The following DCTN1 variants were observed in gnomAD, a reference collection of about 807,000 sequenced individuals.
DCTN1 encodes dynactin subunit 1.
In DCTN1, 61 loss-of-function variants were observed where a neutral mutation model predicts 161.2. The observed-to-expected ratio is 0.38, with a 90% CI of 0.31 to 0.47. The LOEUF (loss-of-function observed/expected upper bound fraction) is 0.47. Among genes scored for constraint, DCTN1 ranks in the 20% least tolerant of loss-of-function variants. DCTN1 has a pLI of 0.99. For synonymous variants in DCTN1, 653 were observed against 632.4 expected, an observed-to-expected ratio of 1.03 and a Z score of -0.49; for missense variants, 1,404 against 1,623.7, an observed-to-expected ratio of 0.86 and a Z score of 2.33.
chr2:74,376,179 AGAGG>A (rs957323161), intron 5 of DCTN1, among the ~76,000 whole-genome samples: 1 of 147,852 alleles, frequency 6.8e-6, no homozygotes, highest in African/African-American at 2.7e-5. Flanking sequence ...GCACACCACC[AGAGG>A]AAGGAGACAG....
chr2:74,385,615 TTC>T (rs917230993), intron 1 of DCTN1: 3 of 152,208 alleles, frequency 2.0e-5, no homozygotes, highest in Non-Finnish European at 4.4e-5. Context: ...ATTCCATCCT[TTC>T]TCTTTTTAAA....
chr2:74,363,961 C>T (rs191061652), intron 26 of DCTN1: 11 of 431,114 alleles, frequency 2.6e-5, no homozygotes, highest in South Asian at 8.9e-5. Context: ...AAGAAGGGCA[C>T]GGAGAATGCT....
rs775496102 is a variant in DCTN1 at position 74,363,630 on chromosome 2, T to G, written c.3197-2A>C. The G allele has an allele frequency of 1.9e-6, 3 of 1,613,696 alleles. No homozygotes were observed. ...GGTCTCTACCTCGCTGCTGTTCTTC[T>G]GTGCTCGGGATAGCCCATGGGGGAG... is the stretch of plus-strand genomic sequence containing the variant. On this transcript the variant is annotated splice_acceptor_variant, in intron 26 of 31. Transcript: ENST00000628224. LOFTEE classifies it high-confidence loss of function.
At chr2:74,379,795 T>C (rs1675426458) in intron 1 of DCTN1, among the ~76,000 whole-genome samples, 1 of 152,134 alleles carries the variant, frequency 6.6e-6, no homozygotes, top group Non-Finnish European at 1.5e-5. Flanking sequence ...AGGTCAGGCC[T>C]TGCTAGTCCC....
rs1179754602 is a variant in DCTN1 at position 74,365,033 on chromosome 2, C to T, written c.3196+42G>A. 2.5e-6 allele frequency: 4 copies of T among 1,611,742 alleles called. No individual in the cohort carries two copies. In the Admixed American group the frequency reaches 5.0e-5, roughly 20 times the overall value. ...ATGAGGCCAAGGACAGGAGAGAAGA[C>T]AATCTCCTCTGTGCTAGTGCTGCCT... On this transcript the variant is annotated intron_variant, in intron 26 of 31. Coordinates refer to ENST00000628224, the MANE Select transcript of DCTN1 (RefSeq NM_004082.5).
At chr2:74,362,868 C>T in intron 29 of DCTN1, 126 bp downstream of exon 29, 2 of 1,339,926 alleles carry the variant, frequency 1.5e-6, no homozygotes, top group East Asian at 2.5e-5. Context: ...ACAAACTGAA[C>T]AGTGAAGCCA....
At chr2:74,390,305 ATTG>A (rs1553467913) in intron 1 of DCTN1, among the ~76,000 whole-genome samples, 1 of 151,902 alleles carries the variant, frequency 6.6e-6, no homozygotes, top group Non-Finnish European at 1.5e-5. Context: ...TTCCTGTTTG[ATTG>A]TTAAGAGATA....
chr2:74,365,715 G>C (rs1674356061), intron 24 of DCTN1, 58 bp from the exon 25 acceptor site: 2 of 1,613,060 alleles, frequency 1.2e-6, no homozygotes, highest in Non-Finnish European at 1.7e-6. Flanking sequence ...CCTGGAAACT[G>C]GGGGCTAGAC....
chr2:74,365,312 G>A (rs1356811547), intron 25 of DCTN1, 71 bp from the exon 26 acceptor site: 7 of 1,594,668 alleles, frequency 4.4e-6, no homozygotes, highest in Non-Finnish European at 6.0e-6. Context: ...AGTCCTGAGA[G>A]GTCCTTGGAA....
In DCTN1 at chr2:74,375,417, G is replaced by C. The variant is rs141802902; in HGVS notation, c.415-1077C>G. Among the ~76,000 whole-genome samples, 641 of 152,346 alleles carry C rather than the reference G, an allele frequency of 4.2e-3. 41 individuals are homozygous for C. The East Asian group carries it at 0.095, about 23-fold the overall frequency. On this transcript the variant is annotated intron_variant, in intron 5 of 31. Transcript: ENST00000628224. ...ATAACTACTGGAGAGGAAGACTGGGGTGCTCCGGGGTGGGGGCACTCAACT... is the reference window on the plus strand; with the variant it reads ...ATAACTACTGGAGAGGAAGACTGGGCTGCTCCGGGGTGGGGGCACTCAACT...
intron 2 of DCTN1, 86 bp from the exon 3 acceptor site, chr2:74,377,812 C>T: frequency 6.8e-7 from 1 of 1,474,866 alleles, no homozygotes; most frequent in Non-Finnish European, 9.5e-7. Flanking sequence ...TCCCCAGGCT[C>T]CAAGCAAACC....
chr2:74,382,387 A>G (rs1288620096), upstream of DCTN1, among the ~76,000 whole-genome samples: 1 of 151,714 alleles, frequency 6.6e-6, no homozygotes, highest in Non-Finnish European at 1.5e-5. Flanking sequence ...CTCACTTGAG[A>G]CCAGGAGTTC....
At position 74,366,534 on chromosome 2, in the gene DCTN1, G is replaced by C; in HGVS notation, c.2553C>G (p.Leu851=). The change falls in exon 22 of 32, where the codon CTC becomes CTG. Residue 851 remains leucine (L), a synonymous_variant. Transcript: ENST00000628224. ...LQEVAAAAAQ[L]IAPLAENEGL... is the part of the protein sequence containing the mutation. ...CCTCATTCTCTGCCAGTGGGGCAAT[G>C]AGCTGGGCAGCAGCAGCTGCCACCT... 6.2e-7 allele frequency: 1 copy of C among 1,614,130 alleles called. No individual in the cohort carries two copies. Among genetic ancestry groups the C allele is most frequent in the Non-Finnish European group, 8.5e-7 (1 of 1,180,004 alleles).
chr2:74,374,164 T>C (rs200754910), intron 6 of DCTN1, 159 bp downstream of exon 6: 24 of 733,340 alleles, frequency 3.3e-5, no homozygotes, highest in East Asian at 8.4e-5. Flanking sequence ...GTGTGGGGCA[T>C]AGTGGTGACA....
In DCTN1 at chr2:74,363,306, G is replaced by A. The variant is rs1284973898; in HGVS notation, c.3333C>T (p.Asn1111=). The change falls in exon 28 of 32, where the codon AAC becomes AAT. Residue 1111 remains asparagine, a synonymous_variant. Transcript: ENST00000628224. ...RLHISQLQHE[N]SILKGAQMKA... ...GTGGCTCCCTCACCTTGAGGATGCTGTTCTCATGCTGGAGCTGGGAGATGT... is the reference window on the plus strand; with the variant it reads ...GTGGCTCCCTCACCTTGAGGATGCTATTCTCATGCTGGAGCTGGGAGATGT... 3 of 1,614,028 alleles carry A rather than the reference G, an allele frequency of 1.9e-6. No homozygotes were observed. The highest frequency in any genetic ancestry group is 3.3e-5 in the Admixed American group (2 of 60,010).
intron 21 of DCTN1, 25 bp from the exon 22 acceptor site, chr2:74,366,645 G>C: frequency 3.1e-6 from 5 of 1,612,844 alleles, no homozygotes; most frequent in Non-Finnish European, 4.2e-6. Flanking sequence ...AGAGTCAGGA[G>C]TCAACCCTGG....
rs1674950819 is a variant in DCTN1 at position 74,372,724 on chromosome 2, C to G, written c.453+204G>C. On this transcript the variant is annotated intron_variant, in intron 7 of 31. Transcript: ENST00000628224. ...TTCTCTTTTGCATTCAAGCTACTGGCTTAGACAACCTCCTAAAAGCCAAAA... is the reference window on the plus strand; with the variant it reads ...TTCTCTTTTGCATTCAAGCTACTGGGTTAGACAACCTCCTAAAAGCCAAAA... Among the ~76,000 whole-genome samples, 3 of 152,252 alleles carry G rather than the reference C, an allele frequency of 2.0e-5. No individual in the cohort carries two copies. In the South Asian group the frequency reaches 6.2e-4, roughly 32 times the overall value.
intron 5 of DCTN1, among the ~76,000 whole-genome samples, chr2:74,376,397 G>A (rs570565081): frequency 3.3e-5 from 5 of 152,278 alleles, no homozygotes; most frequent in Admixed American, 1.3e-4. Context: ...TTCCACAGTC[G>A]TCCAAGCTCG....
chr2:74,364,242 C>G (rs1164868016), intron 26 of DCTN1: 3 of 159,764 alleles, frequency 1.9e-5, no homozygotes, highest in Non-Finnish European at 4.2e-5. Flanking sequence ...AGCCTAAAGT[C>G]AAGAAGGTAC....
Sources: gnomAD v4.1 joint callset for allele counts (sites outside exome capture counted in the v4.1 genomes callset) on GRCh38, gnomAD v4.1.1 for gene constraint, MANE v1.5 for transcripts, NCBI Gene and HGNC (gene_info 2026-07-23, HGNC 2026-07-21) for gene names.